The following MAP3K5 variants were observed in gnomAD, a reference collection of about 807,000 sequenced individuals.
MAP3K5 encodes the protein ASK-1.
In MAP3K5, 56 loss-of-function variants were observed where a neutral mutation model predicts 158.7. That is an observed-to-expected ratio of 0.35 (90% CI 0.28 to 0.44). MAP3K5 has a LOEUF of 0.44. MAP3K5 is among the 20% of genes least tolerant of loss of function. MAP3K5 has a pLI of 1.00. For synonymous variants in MAP3K5, 579 were observed against 601.7 expected (o/e 0.96, Z 0.55); for missense variants, 1,294 against 1,674.8 (o/e 0.77, Z 3.97).
chr6:136,685,485 A>G (rs1013485366), intron 7 of MAP3K5, among the ~76,000 whole-genome samples: 6 of 152,150 alleles, frequency 3.9e-5, no homozygotes, highest in Non-Finnish European at 7.3e-5. Context: ...CAGGAGAGTA[A>G]AACTTCCTCC....
At chr6:136,764,275 T>C (rs1186362458) in intron 1 of MAP3K5, among the ~76,000 whole-genome samples, 6 of 152,192 alleles carry the variant, frequency 3.9e-5, no homozygotes, top group Non-Finnish European at 1.5e-5. Context: ...GTAACTGCTT[T>C]TACCAATAGG....
intron 7 of MAP3K5, among the ~76,000 whole-genome samples, chr6:136,669,884 G>GGTGTGTGTGTGTGTGTGT (rs60778677): frequency 2.1e-5 from 3 of 144,496 alleles, no homozygotes; most frequent in African/African-American, 5.1e-5. Context: ...CATCATTCAG[G>GGTGTGTGTGTGTGTGTGT]GTGTGTGTGT....
At chr6:136,694,992 G>A (rs1780540608) in intron 6 of MAP3K5, among the ~76,000 whole-genome samples, 1 of 152,112 alleles carries the variant, frequency 6.6e-6, no homozygotes, top group Non-Finnish European at 1.5e-5. Context: ...TCCAGAATAG[G>A]CAAATCTGTA....
At chr6:136,579,274 C>T (rs979722882) in intron 25 of MAP3K5, among the ~76,000 whole-genome samples, 3 of 152,122 alleles carry the variant, frequency 2.0e-5, no homozygotes, top group Admixed American at 6.5e-5. Context: ...AGAGCTTTGC[C>T]TACAATTTTT....
At chr6:136,668,190 G>A (rs1417775905) in intron 8 of MAP3K5, among the ~76,000 whole-genome samples, 1 of 152,020 alleles carries the variant, frequency 6.6e-6, no homozygotes, top group Non-Finnish European at 1.5e-5. Context: ...GACCAGCCTG[G>A]GCAACATAGT....
Position 136,640,067 on chromosome 6 carries a change from A to G in MAP3K5, c.1839-429T>C, listed in dbSNP as rs2114287984. ...GGCAGTCAATTTGTGGAGGCAGTAA[A>G]AGCACCTCATTCATTATAGAGATTT... On this transcript the variant is annotated intron_variant, in intron 12 of 29. Transcript: ENST00000359015. 2.6e-5 allele frequency among the ~76,000 whole-genome samples: 4 copies of G among 152,328 alleles called. 1 individual carries two copies. Among genetic ancestry groups the G allele is most frequent in the Admixed American group, 2.6e-4 (4 of 15,306 alleles).
chr6:136,699,128 C>A (rs192872900), intron 3 of MAP3K5, among the ~76,000 whole-genome samples: 2 of 152,162 alleles, frequency 1.3e-5, no homozygotes, highest in Non-Finnish European at 2.9e-5. Flanking sequence ...AAATCCACCC[C>A]CCGGGAGGCT....
At chr6:136,790,892 C>T (rs1785046548) in intron 1 of MAP3K5, among the ~76,000 whole-genome samples, 1 of 152,172 alleles carries the variant, frequency 6.6e-6, no homozygotes, top group Non-Finnish European at 1.5e-5. Flanking sequence ...TTAACATTTT[C>T]TGAAATTTGA....
chr6:136,703,231 G>A (rs1054744633), intron 3 of MAP3K5, among the ~76,000 whole-genome samples: 3 of 152,056 alleles, frequency 2.0e-5, no homozygotes, highest in South Asian at 2.1e-4. Context: ...TCAAGTCAGC[G>A]GGCAACTTCT....
At chr6:136,738,174 C>G (rs1782554235) in intron 1 of MAP3K5, among the ~76,000 whole-genome samples, 1 of 152,112 alleles carries the variant, frequency 6.6e-6, no homozygotes. Flanking sequence ...AAAAACTTTT[C>G]TTATTAGGGA....
intron 18 of MAP3K5, 66 bp downstream of exon 18, chr6:136,611,216 T>C (rs1776330299): frequency 1.1e-6 from 1 of 916,642 alleles, no homozygotes; most frequent in Non-Finnish European, 1.8e-6. Flanking sequence ...TCTCTCACAT[T>C]GTGCTCAAAC....
intron 6 of MAP3K5, among the ~76,000 whole-genome samples, chr6:136,695,158 G>C (rs551389148): frequency 6.6e-4 from 101 of 152,254 alleles, no homozygotes; most frequent in African/African-American, 2.4e-3. Context: ...TTTGTTTGGA[G>C]ACAGAGTCTT....
intron 2 of MAP3K5, among the ~76,000 whole-genome samples, chr6:136,714,508 A>G (rs867665743): frequency 2.6e-5 from 4 of 152,192 alleles, no homozygotes; most frequent in African/African-American, 9.7e-5. Flanking sequence ...TTCAACGTTC[A>G]TTTATGTTGT....
intron 1 of MAP3K5, among the ~76,000 whole-genome samples, chr6:136,764,367 A>G (rs1292502634): frequency 3.3e-5 from 5 of 152,212 alleles, no homozygotes; most frequent in African/African-American, 1.2e-4. Flanking sequence ...TTCTTGGAAC[A>G]TTCACTCATA....
chr6:136,599,867 C>T (rs1255293940), intron 21 of MAP3K5, among the ~76,000 whole-genome samples: 1 of 152,110 alleles, frequency 6.6e-6, no homozygotes, highest in Non-Finnish European at 1.5e-5. Context: ...ACTGCAGGGC[C>T]GACTTTGTGA....
chr6:136,700,993 T>C lies in MAP3K5; in HGVS notation c.613-2311A>G, dbSNP rs532993484. Among the ~76,000 whole-genome samples the C allele has an allele frequency of 2.1e-4, 32 of 152,348 alleles. 2 individuals carry two copies. In the South Asian group the frequency reaches 6.6e-3, roughly 32 times the overall value. On this transcript the variant is annotated intron_variant, in intron 3 of 29. Transcript: ENST00000359015. ...AATAAGTACAAACATGTATTCACCATGTGTGTGTGCCAGGGTATGAACAGT... is the reference window on the plus strand; with the variant it reads ...AATAAGTACAAACATGTATTCACCACGTGTGTGTGCCAGGGTATGAACAGT...
At chr6:136,576,766 T>C (rs1220187076) in intron 25 of MAP3K5, among the ~76,000 whole-genome samples, 1 of 152,238 alleles carries the variant, frequency 6.6e-6, no homozygotes, top group African/African-American at 2.4e-5. Flanking sequence ...TACGGTATAA[T>C]AACATTTCAG....
At chr6:136,723,704 T>A (rs1014463380) in intron 1 of MAP3K5, among the ~76,000 whole-genome samples, 1 of 152,194 alleles carries the variant, frequency 6.6e-6, no homozygotes, top group Non-Finnish European at 1.5e-5. Flanking sequence ...AAAGTCCACC[T>A]TGTCTAATGA....
rs137969299 is a variant in MAP3K5 at position 136,648,895 on chromosome 6, G to A, written c.1788+2089C>T. ...CTTCCTAAGGTGGTGGTTCACATAC[G>A]TGAGGTCTGAAAGTCTACCTCATAG... is the stretch of plus-strand genomic sequence containing the variant. On this transcript the variant is annotated intron_variant, in intron 11 of 29. Transcript: ENST00000359015. Among the ~76,000 whole-genome samples the A allele has an allele frequency of 4.1e-4, 63 of 152,340 alleles. 2 individuals carry two copies. The South Asian group carries it at 6.4e-3, about 16-fold the overall frequency.
Sources: allele counts gnomAD v4.1 joint callset (sites outside exome capture counted in the v4.1 genomes callset), GRCh38; gene constraint gnomAD v4.1.1; transcripts MANE v1.5; gene names NCBI Gene and HGNC (gene_info 2026-07-23, HGNC 2026-07-21).